The following PIK3R6 variants were observed in gnomAD, a reference collection of about 807,000 sequenced individuals.
PIK3R6 encodes the protein phosphoinositide-3-kinase regulatory subunit 6, also known as phosphoinositide 3-kinase regulatory subunit 6.
In PIK3R6, 91 loss-of-function variants were observed where a neutral mutation model predicts 84.9. The ratio of observed to expected loss-of-function variants is 1.07; its 90% CI spans 0.90 to 1.28. The LOEUF is 1.28. Among genes scored for constraint, PIK3R6 ranks in the 50% most tolerant of loss-of-function variants. The probability of loss-of-function intolerance (pLI) is 0.00; values close to 1 mark genes in which losing one functional copy is unlikely to be tolerated. For missense variants in PIK3R6, 996 were observed against 985.1 expected, an observed-to-expected ratio of 1.01 and a Z score of -0.15; for synonymous variants, 416 against 411.4, an observed-to-expected ratio of 1.01 and a Z score of -0.13.
chr17:8,838,239 TG>T, intron 4 of PIK3R6: 1 of 434,750 alleles, frequency 2.3e-6, no homozygotes, highest in South Asian at 2.7e-5. Flanking sequence ...AGAATTTAGG[TG>T]GCCCGAGGAT....
At chr17:8,855,454 T>C (rs766374768) in intron 1 of PIK3R6, among the ~76,000 whole-genome samples, 17 of 152,074 alleles carry the variant, frequency 1.1e-4, no homozygotes, top group Non-Finnish European at 2.4e-4. Context: ...ATAAACACAT[T>C]AAAAAAATGC....
At chr17:8,812,531 A>G (rs1176999484) in intron 18 of PIK3R6, among the ~76,000 whole-genome samples, 1 of 152,232 alleles carries the variant, frequency 6.6e-6, no homozygotes, top group Admixed American at 6.5e-5. Flanking sequence ...AAATTTTTTA[A>G]AAACCTGAAG....
chr17:8,837,747 C>T, intron 5 of PIK3R6, 56 bp downstream of exon 5: 3 of 1,472,674 alleles, frequency 2.0e-6, no homozygotes, highest in Admixed American at 3.4e-5. Flanking sequence ...GGGAGAGTGT[C>T]CAGCCCAGCC....
Position 8,865,325 on chromosome 17 carries a change from T to A in PIK3R6, c.-92+2204A>T, listed in dbSNP as rs115258849. ...GACAGAAGAACCCACCACCTAGGCC[T>A]CCCTATACCTGCAGGAATAAAGCCT... On this transcript the variant is annotated intron_variant, in intron 1 of 19. Coordinates refer to ENST00000619866, the MANE Select transcript of PIK3R6 (RefSeq NM_001010855.4). Among the ~76,000 whole-genome samples, 1,176 of 152,160 alleles carry A rather than the reference T, an allele frequency of 7.7e-3. 12 individuals are homozygous for A. Among genetic ancestry groups the A allele is most frequent in the African/African-American group, 0.027 (1,109 of 41,498 alleles).
intron 12 of PIK3R6, among the ~76,000 whole-genome samples, chr17:8,827,807 A>G (rs979496308): frequency 7.9e-5 from 10 of 125,890 alleles, no homozygotes; most frequent in Non-Finnish European, 1.6e-4. Context: ...AGAGAGAGAG[A>G]GAGAGAGAGA....
chr17:8,848,068 G>C (rs2088853697), intron 2 of PIK3R6, among the ~76,000 whole-genome samples: 1 of 152,164 alleles, frequency 6.6e-6, no homozygotes, highest in South Asian at 2.1e-4. Context: ...GTCTCTCTCA[G>C]ACAGCCTTTT....
intron 18 of PIK3R6, among the ~76,000 whole-genome samples, chr17:8,805,243 C>T (rs560988473): frequency 6.6e-6 from 1 of 152,314 alleles, no homozygotes; most frequent in Non-Finnish European, 1.5e-5. Flanking sequence ...CTTAATCTCT[C>T]TGTGCTACCT....
rs1168096365 is a variant in PIK3R6 at position 8,839,463 on chromosome 17, C to T, written c.97+151G>A. 3.5e-6 allele frequency: 2 copies of T among 569,836 alleles called. No homozygotes were observed. The highest frequency in any genetic ancestry group is 3.9e-5 in the African/African-American group (2 of 51,338). The allele number at this position is 569,836 out of a possible 1,614,324, so 35.3% of individuals were successfully genotyped here. The stretch of plus-strand genomic sequence containing the variant: ...AGAGAAGCCTTCTCAGTCCTTCAGG[C>T]TCTAGGTATTTCCAGCAGGAAAGGG... On this transcript the variant is annotated intron_variant, in intron 3 of 19. Transcript: ENST00000619866. The surrounding 1 kb of genome is among the most constrained non-coding windows in gnomAD (Gnocchi z 4.2).
Position 8,803,419 on chromosome 17 carries a change from C to A in PIK3R6, c.2119G>T (p.Ala707Ser). The A allele has an allele frequency of 6.2e-7, 1 of 1,604,596 alleles. No homozygotes were observed. The highest frequency in any genetic ancestry group is 1.1e-5 in the South Asian group (1 of 89,468). The change falls in exon 20 of 20, where the codon GCT (alanine) becomes TCT (serine). Residue 707 changes from alanine (A) to serine (S), a missense_variant. By Grantham distance (99) the Ala-to-Ser change is moderately conservative. Coordinates refer to ENST00000619866, the MANE Select transcript of PIK3R6 (RefSeq NM_001010855.4). The surrounding 1 kb of genome is among the most constrained non-coding windows in gnomAD (Gnocchi z 5.0). ...CCAGAACATGGTTCTGGGCAGGGAGCAACCTCGAATCTGTGGGTGGAGAGA... is the reference window on the plus strand; with the variant it reads ...CCAGAACATGGTTCTGGGCAGGGAGAAACCTCGAATCTGTGGGTGGAGAGA... ...TFRDVVRFEV[A>S]PCPEPCSGAQ...
intron 1 of PIK3R6, among the ~76,000 whole-genome samples, chr17:8,855,096 G>A (rs2089090716): frequency 6.6e-6 from 1 of 152,126 alleles, no homozygotes; most frequent in Non-Finnish European, 1.5e-5. Context: ...AGGAGGCTGA[G>A]GCAGGAGAAT....
At chr17:8,855,308 C>G (rs143974841) in intron 1 of PIK3R6, among the ~76,000 whole-genome samples, 1 of 150,978 alleles carries the variant, frequency 6.6e-6, no homozygotes, top group African/African-American at 2.4e-5. Context: ...CAAATCACAT[C>G]TGACAAAGAA....
At chr17:8,816,441 T>C (rs1361946991) in intron 18 of PIK3R6, among the ~76,000 whole-genome samples, 3 of 152,198 alleles carry the variant, frequency 2.0e-5, no homozygotes, top group South Asian at 2.1e-4. Context: ...TTTAGACATA[T>C]ATAATGTTTA....
At chr17:8,856,393 G>A (rs2089141796) in intron 1 of PIK3R6, among the ~76,000 whole-genome samples, 2 of 152,226 alleles carry the variant, frequency 1.3e-5, no homozygotes, top group South Asian at 2.1e-4. Flanking sequence ...CTTGAGGTCA[G>A]GAGTTCGAGA....
At chr17:8,808,126 C>T (rs1424216475) in intron 18 of PIK3R6, among the ~76,000 whole-genome samples, 10 of 151,954 alleles carry the variant, frequency 6.6e-5, no homozygotes, top group African/African-American at 9.7e-5. Flanking sequence ...CCTGGGTTTC[C>T]GGCAGAGGTG....
chr17:8,820,028 C>A (rs948602788), intron 17 of PIK3R6, among the ~76,000 whole-genome samples: 1 of 149,702 alleles, frequency 6.7e-6, no homozygotes, highest in Non-Finnish European at 1.5e-5. Flanking sequence ...GTCACTGCAA[C>A]CTCTGCCTCC....
rs768641164 is a variant in PIK3R6, at chr17:8,842,073, A to C, written c.14-2376T>G. Among the ~76,000 whole-genome samples, 4 of 152,056 alleles carry C rather than the reference A, an allele frequency of 2.6e-5. No homozygotes were observed. The highest frequency in any genetic ancestry group is 7.2e-5 in the African/African-American group (3 of 41,398). On this transcript the variant is annotated intron_variant, in intron 2 of 19. Coordinates refer to ENST00000619866, the MANE Select transcript of PIK3R6 (RefSeq NM_001010855.4). This position sits in a 1 kb window ranked among gnomAD's most constrained non-coding sequence, Gnocchi z 4.5. ...ATCTCTCAGCATGTGATCTGTACAC[A>C]CTGGCTCCCCTTCCACCAGGAGTGG...
intron 18 of PIK3R6, among the ~76,000 whole-genome samples, chr17:8,805,133 A>T (rs2087164916): frequency 6.6e-6 from 1 of 152,112 alleles, no homozygotes. Flanking sequence ...GCCATGGAGG[A>T]TCCACTGGGA....
chr17:8,836,946 A>G, intron 5 of PIK3R6, 23 bp from the exon 6 acceptor site: 50 of 899,540 alleles, frequency 5.6e-5, no homozygotes, highest in South Asian at 1.2e-4. Context: ...GAGGAGGGGG[A>G]GGTGAGAGGG....
In PIK3R6 at chr17:8,842,662, C is replaced by G. The variant is rs147265576; in HGVS notation, c.14-2965G>C. 6.6e-6 allele frequency among the ~76,000 whole-genome samples: 1 copy of G among 152,146 alleles called. No individual in the cohort carries two copies. The highest frequency in any genetic ancestry group is 2.4e-5 in the African/African-American group (1 of 41,516). On this transcript the variant is annotated intron_variant, in intron 2 of 19. Coordinates refer to ENST00000619866, the MANE Select transcript of PIK3R6 (RefSeq NM_001010855.4). This position sits in a 1 kb window ranked among gnomAD's most constrained non-coding sequence, Gnocchi z 4.5. ...GCCATTATAGGTGAGTGTGTATTCT[C>G]CAGTTGTCAGACAACACAAACCACA... is the stretch of plus-strand genomic sequence containing the variant.
Sources: allele counts gnomAD v4.1 joint callset (sites outside exome capture counted in the v4.1 genomes callset), GRCh38; gene constraint gnomAD v4.1.1; non-coding constraint Gnocchi (gnomAD v3.1); transcripts MANE v1.5; gene names NCBI Gene and HGNC (gene_info 2026-07-23, HGNC 2026-07-21).